SORL1: variants seen among roughly 807,000 people sequenced by gnomAD.
SORL1 encodes sortilin related receptor 1.
SORL1 carries 127 observed loss-of-function variants against 273.7 expected under a neutral mutation model. That is an observed-to-expected ratio of 0.46 (90% CI 0.40 to 0.54). SORL1 has a LOEUF of 0.54. Ranked by LOEUF, SORL1 falls within the 20% of genes least tolerant of loss-of-function variation. The pLI, the probability that SORL1 is intolerant of heterozygous loss-of-function variation, is 0.00. For missense variants in SORL1, 2,494 were observed against 2,846.1 expected (o/e 0.88, Z 2.81); for synonymous variants, 1,031 against 1,067.4 (o/e 0.97, Z 0.66).
intron 12 of SORL1, among the ~76,000 whole-genome samples, chr11:121,541,738 C>T (rs1017516904): frequency 1.3e-5 from 2 of 152,222 alleles, no homozygotes; most frequent in African/African-American, 4.8e-5. Flanking sequence ...AAGCGTCTCA[C>T]CAGCTCACTG....
intron 21 of SORL1, 76 bp downstream of exon 21, chr11:121,559,733 A>C: frequency 2.1e-6 from 3 of 1,400,708 alleles, no homozygotes; most frequent in Non-Finnish European, 2.0e-6. Context: ...ATCTCTGCTC[A>C]GAGTAGGAGC....
At chr11:121,547,492 A>G (rs1420240308) in intron 14 of SORL1, among the ~76,000 whole-genome samples, 3 of 144,040 alleles carry the variant, frequency 2.1e-5, no homozygotes, top group Admixed American at 7.0e-5. Context: ...CCTCCTGGGT[A>G]AACTGGCCTG....
At chr11:121,622,120 G>A (rs746385472) in intron 44 of SORL1, 42 bp from the exon 45 acceptor site, 8 of 1,071,416 alleles carry the variant, frequency 7.5e-6, no homozygotes, top group Admixed American at 3.6e-5. Flanking sequence ...AGTTTCAAAT[G>A]TATATCCACT....
At chr11:121,581,658 C>T (rs1863017540) in intron 25 of SORL1, among the ~76,000 whole-genome samples, 1 of 152,270 alleles carries the variant, frequency 6.6e-6, no homozygotes, top group African/African-American at 2.4e-5. Context: ...TTATGTATTC[C>T]AGCCATACCT....
At chr11:121,565,947 A>C (rs1368952337) in intron 21 of SORL1, among the ~76,000 whole-genome samples, 2 of 152,196 alleles carry the variant, frequency 1.3e-5, no homozygotes, top group East Asian at 3.8e-4. Context: ...TTACCTGAAC[A>C]CATTGCACAG....
chr11:121,519,591 GA>G (rs2134854188), intron 8 of SORL1, among the ~76,000 whole-genome samples: 1 of 152,246 alleles, frequency 6.6e-6, no homozygotes, highest in South Asian at 2.1e-4. Context: ...CTTTAGGAAA[GA>G]ATCGACAGGT....
In SORL1 at chr11:121,590,084, C is replaced by T. The variant is rs200815202; in HGVS notation, c.4123C>T (p.Arg1375Trp). The T allele has an allele frequency of 1.2e-5, 19 of 1,614,118 alleles. No homozygotes were observed. Among genetic ancestry groups the T allele is most frequent in the East Asian group, 8.9e-5 (4 of 44,872 alleles). The change falls in exon 30 of 48, where the codon CGG becomes TGG. Residue 1375 changes from arginine (R) to tryptophan (W), a missense_variant. Transcript: ENST00000260197. ...AAACTGCTCCCGCTACTTCCAGTTTCGGTGTGAGAATGGCCACTGCATCCC... is the reference window on the plus strand; with the variant it reads ...AAACTGCTCCCGCTACTTCCAGTTTTGGTGTGAGAATGGCCACTGCATCCC... ...APNCSRYFQF[R>W]CENGHCIPNR...
At chr11:121,462,519 G>A (rs1861016517) in intron 1 of SORL1, among the ~76,000 whole-genome samples, 1 of 152,194 alleles carries the variant, frequency 6.6e-6, no homozygotes, top group Non-Finnish European at 1.5e-5. Flanking sequence ...GGAATTAGTT[G>A]TTTAATGCGT....
In SORL1 at chr11:121,550,709, A is replaced by C; in HGVS notation, c.2266+39A>C. The C allele has an allele frequency of 6.5e-7, 1 of 1,527,130 alleles. No individual in the cohort carries two copies. The highest frequency in any genetic ancestry group is 9.1e-7 in the Non-Finnish European group (1 of 1,103,204). 94.6% of individuals were successfully genotyped at this position (1,527,130 alleles called of 1,614,324 possible). A position where few individuals can be genotyped will look rare whatever the true frequency, so the allele number is the denominator to read the frequency against. Reference sequence around the variant, plus strand: ...TTTCTTCCCTTTCATTTCTTGAGACATGGTTGAAGCAGTATCACGATCTCA... The same window carrying C: ...TTTCTTCCCTTTCATTTCTTGAGACCTGGTTGAAGCAGTATCACGATCTCA... On this transcript the variant is annotated intron_variant, in intron 16 of 47. Coordinates refer to ENST00000260197, the MANE Select transcript of SORL1 (RefSeq NM_003105.6). This position sits in a 1 kb window ranked among gnomAD's most constrained non-coding sequence, Gnocchi z 5.3.
Position 121,608,188 on chromosome 11 carries a change from C to T in SORL1, c.5239+12C>T. 6.3e-7 allele frequency: 1 copy of T among 1,598,652 alleles called. No individual in the cohort carries two copies. The highest frequency in any genetic ancestry group is 1.1e-5 in the South Asian group (1 of 90,598). On this transcript the variant is annotated intron_variant, in intron 38 of 47. Coordinates refer to ENST00000260197, the MANE Select transcript of SORL1 (RefSeq NM_003105.6). Reference sequence around the variant, plus strand: ...CATAAAAGGAAAAGGTAAATGATCCCAGCATTTGCAGATTTAGAGAAAATA... The same window carrying T: ...CATAAAAGGAAAAGGTAAATGATCCTAGCATTTGCAGATTTAGAGAAAATA...
Position 121,525,420 on chromosome 11 carries a change from T to C in SORL1, c.1596+2431T>C, listed in dbSNP as rs146694628. ...CAAATATAGCTGTTATGAACATTCATGTACATATTTTATTCATTTCTCTAG... is the reference window on the plus strand; with the variant it reads ...CAAATATAGCTGTTATGAACATTCACGTACATATTTTATTCATTTCTCTAG... On this transcript the variant is annotated intron_variant, in intron 11 of 47. Transcript: ENST00000260197. Among the ~76,000 whole-genome samples the C allele has an allele frequency of 4.0e-3, 611 of 152,360 alleles. 7 individuals are homozygous for C. The highest frequency in any genetic ancestry group is 0.013 in the African/African-American group (556 of 41,578).
Position 121,546,708 on chromosome 11 carries a change from G to A in SORL1, c.2051+1279G>A, listed in dbSNP as rs79129205. On this transcript the variant is annotated intron_variant, in intron 14 of 47. Coordinates refer to ENST00000260197, the MANE Select transcript of SORL1 (RefSeq NM_003105.6). The stretch of plus-strand genomic sequence containing the variant: ...TGTTACAACTCCTCACTTTGCCCAT[G>A]GCAGTGCCCATGGGTGAATGAAAGC... Among the ~76,000 whole-genome samples the A allele has an allele frequency of 9.0e-3, 1,367 of 152,296 alleles. 5 individuals carry two copies. Among genetic ancestry groups the A allele is most frequent in the Non-Finnish European group, 0.014 (963 of 68,028 alleles).
rs772201413 is a variant in SORL1 at position 121,470,105 on chromosome 11, G to A, written c.384G>A (p.Ala128=). ...TGGCCCGAGATAGCCTGGCATTGGCGAGGCCCAAGAGCAGTGATGTAAGTG... is the reference window on the plus strand; with the variant it reads ...TGGCCCGAGATAGCCTGGCATTGGCAAGGCCCAAGAGCAGTGATGTAAGTG... ...VALARDSLAL[A]RPKSSDVYVS... Residue 128 remains alanine (A), a synonymous_variant, in exon 2 of 48, where the codon GCG becomes GCA. Coordinates refer to ENST00000260197, the MANE Select transcript of SORL1 (RefSeq NM_003105.6). The A allele has an allele frequency of 9.9e-6, 16 of 1,613,010 alleles. No individual in the cohort carries two copies. Among genetic ancestry groups the A allele is most frequent in the African/African-American group, 2.7e-5 (2 of 74,902 alleles).
At chr11:121,471,096 A>G (rs991460442) in intron 2 of SORL1, among the ~76,000 whole-genome samples, 3 of 152,194 alleles carry the variant, frequency 2.0e-5, no homozygotes, top group African/African-American at 7.2e-5. Context: ...GGAGATGCAC[A>G]TTCAAGAAAC....
intron 26 of SORL1, 36 bp downstream of exon 26, chr11:121,583,619 C>T (rs752246911): frequency 6.3e-7 from 1 of 1,577,140 alleles, no homozygotes; most frequent in Non-Finnish European, 8.6e-7. Context: ...CCCTGAGCCT[C>T]CCCAGTGTCT....
chr11:121,534,273 A>G (rs1862239971), intron 12 of SORL1, among the ~76,000 whole-genome samples: 2 of 152,160 alleles, frequency 1.3e-5, no homozygotes, highest in South Asian at 4.1e-4. Flanking sequence ...TTGCATTCCA[A>G]ACTGGCTCCT....
chr11:121,602,716 C>A (rs1350463194), intron 32 of SORL1, among the ~76,000 whole-genome samples: 1 of 152,194 alleles, frequency 6.6e-6, no homozygotes, highest in Non-Finnish European at 1.5e-5. Context: ...ATGCTCATAT[C>A]ACCTTTAACA....
At chr11:121,590,228 G>T in intron 30 of SORL1, 54 bp downstream of exon 30, 1 of 1,562,958 alleles carries the variant, frequency 6.4e-7, no homozygotes, top group Non-Finnish European at 8.7e-7. Context: ...CACCAGAATA[G>T]TTCCACCAGC....
intron 12 of SORL1, among the ~76,000 whole-genome samples, chr11:121,540,021 T>C (rs1231708718): frequency 6.6e-6 from 1 of 152,238 alleles, no homozygotes; most frequent in Non-Finnish European, 1.5e-5. Context: ...TTTGAACTTA[T>C]CTTGCTACTA....
Sources: gnomAD v4.1 joint callset for allele counts (sites outside exome capture counted in the v4.1 genomes callset) on GRCh38, gnomAD v4.1.1 for gene constraint, Gnocchi (gnomAD v3.1) non-coding constraint, MANE v1.5 for transcripts, NCBI Gene and HGNC (gene_info 2026-07-23, HGNC 2026-07-21) for gene names.